ACSM1: variants seen among roughly 807,000 people sequenced by gnomAD.
The protein encoded by ACSM1 is acyl-CoA synthetase medium chain family member 1, also known as acyl-coenzyme A synthetase ACSM1, mitochondrial.
Under a neutral mutation model 75.8 loss-of-function variants are expected in ACSM1, and 79 were observed. The observed-to-expected ratio is 1.04, with a 90% CI of 0.87 to 1.26. The LOEUF (loss-of-function observed/expected upper bound fraction) is 1.26, where lower values mean the gene tolerates loss of function less well. Ranked by LOEUF, ACSM1 falls within the 50% of genes most tolerant of loss-of-function variation. ACSM1 has a pLI of 0.00. For missense variants in ACSM1, 676 were observed against 720.1 expected (o/e 0.94, Z 0.70); for synonymous variants, 279 against 265.8 (o/e 1.05, Z -0.48).
intron 7 of ACSM1, among the ~76,000 whole-genome samples, chr16:20,643,293 A>C (rs1425839193): frequency 6.6e-6 from 1 of 152,220 alleles, no homozygotes; most frequent in Non-Finnish European, 1.5e-5. Context: ...CTAAGGAAAA[A>C]TAGGAAGGAA....
chr16:20,623,535 C>T lies in ACSM1; in HGVS notation c.1685G>A (p.Gly562Asp), dbSNP rs1000783254. The T allele has an allele frequency of 6.2e-7, 1 of 1,614,130 alleles. No homozygotes were observed. Among genetic ancestry groups the T allele is most frequent in the Non-Finnish European group, 8.5e-7 (1 of 1,180,012 alleles). The change falls in exon 14 of 14, where the codon GGC (glycine) becomes GAC (aspartate). Residue 562 changes from glycine (G) to aspartate (D), a missense_variant. Transcript: ENST00000520010. Reference protein sequence around the residue: ...FVSELPKTITGKIERKELRKK... With the variant: ...FVSELPKTITDKIERKELRKK... Reference sequence around the variant, plus strand: ...CCGAAGTTCCTTCCGTTCAATCTTGCCAGTGATGGTTTTTGGCAGCTCTGA... The same window carrying T: ...CCGAAGTTCCTTCCGTTCAATCTTGTCAGTGATGGTTTTTGGCAGCTCTGA...
intron 4 of ACSM1, chr16:20,680,925 C>A (rs2079431967): frequency 6.6e-6 from 1 of 152,148 alleles, no homozygotes; most frequent in Admixed American, 6.5e-5. Flanking sequence ...TCTAATTCCT[C>A]TAAAGCAAGG....
chr16:20,693,273 A>G (rs2079672655), intron 1 of ACSM1, among the ~76,000 whole-genome samples: 2 of 152,156 alleles, frequency 1.3e-5, no homozygotes, highest in Non-Finnish European at 2.9e-5. Context: ...AGTAGCATTC[A>G]GGACAGCTGA....
intron 9 of ACSM1, 93 bp downstream of exon 9, chr16:20,637,278 C>T: frequency 1.0e-6 from 1 of 967,998 alleles, no homozygotes. Context: ...ATGACTGGAG[C>T]AGGGAAGTGC....
At chr16:20,676,574 G>C (rs2020291318) in intron 4 of ACSM1, among the ~76,000 whole-genome samples, 1 of 152,140 alleles carries the variant, frequency 6.6e-6, no homozygotes, top group African/African-American at 2.4e-5. Context: ...TATTAAAGTG[G>C]TTACAAGGTG....
chr16:20,671,465 A>C (rs1187599262), intron 5 of ACSM1, 66 bp downstream of exon 5: 2 of 1,510,482 alleles, frequency 1.3e-6, no homozygotes, highest in Non-Finnish European at 1.8e-6. Context: ...ACACACACAC[A>C]CACACACACA....
chr16:20,689,903 C>T (rs2079622012), intron 2 of ACSM1, among the ~76,000 whole-genome samples: 2 of 152,170 alleles, frequency 1.3e-5, no homozygotes, highest in African/African-American at 4.8e-5. Flanking sequence ...CCCTGCTCTC[C>T]CACTTATTAG....
At chr16:20,664,337 A>G (rs1225346032) in intron 6 of ACSM1, among the ~76,000 whole-genome samples, 1 of 152,120 alleles carries the variant, frequency 6.6e-6, no homozygotes, top group African/African-American at 2.4e-5. Flanking sequence ...GAAAAACAGA[A>G]AAGAGCAGGA....
At chr16:20,656,980 C>A (rs1174134228) in intron 7 of ACSM1, among the ~76,000 whole-genome samples, 2 of 151,666 alleles carry the variant, frequency 1.3e-5, no homozygotes, top group African/African-American at 4.8e-5. Context: ...TGCATACATC[C>A]CAACCACAAA....
rs368585108 is a variant in ACSM1 at position 20,692,585 on chromosome 16, C to G, written c.-51-1346G>C. On this transcript the variant is annotated intron_variant, in intron 1 of 13. Transcript: ENST00000520010. ...CTTAGACCTAAAAGGGTATGTGGCT[C>G]TTAGTTGATTGTCTCCTGGATCTGG... 9.1e-4 allele frequency among the ~76,000 whole-genome samples: 138 copies of G among 152,162 alleles called. 4 individuals are homozygous for G. In the South Asian group the frequency reaches 0.028, roughly 31 times the overall value.
At position 20,671,631 on chromosome 16, in the gene ACSM1, A is replaced by C; in HGVS notation, c.652T>G (p.Leu218Val). Residue 218 changes from leucine to valine, a missense_variant, in exon 5 of 14, where the codon TTG (leucine) becomes GTG (valine). Leu to Val is a conservative substitution (Grantham distance 32, BLOSUM62 1). Transcript: ENST00000520010. ...GTGAAGAAGATGACCATTGGGTCCA[A>C]GGTCTTTGACTTAACACAGGTGTGT... Reference protein sequence around the residue: ...PEHTCVKSKTLDPMVIFFTSG... With the variant: ...PEHTCVKSKTVDPMVIFFTSG... 6.2e-7 allele frequency: 1 copy of C among 1,613,032 alleles called. No homozygotes were observed. The highest frequency in any genetic ancestry group is 8.5e-7 in the Non-Finnish European group (1 of 1,179,462).
intron 7 of ACSM1, among the ~76,000 whole-genome samples, chr16:20,646,294 A>G (rs1323280394): frequency 2.0e-5 from 3 of 152,214 alleles, no homozygotes; most frequent in Non-Finnish European, 2.9e-5. Context: ...CCCCTTGTCC[A>G]TGCCCCTTAT....
chr16:20,650,864 G>T (rs964305790), intron 7 of ACSM1, among the ~76,000 whole-genome samples: 1 of 152,012 alleles, frequency 6.6e-6, no homozygotes, highest in Admixed American at 6.5e-5. Context: ...AGACTATAGA[G>T]TACATAGCTT....
In ACSM1 at chr16:20,682,415, A is replaced by AG; in HGVS notation, c.451dup (p.Leu151ProfsTer8). On this transcript the variant is annotated frameshift_variant, in exon 4 of 14. Transcript: ENST00000520010. LOFTEE classifies it high-confidence loss of function. ...GGCTTTAGACAACTGTAGTCGATAG[A>AG]GAATGTCTTTGGCCTTCAACAGGAT... 1 of 1,613,944 alleles carries AG rather than the reference A, an allele frequency of 6.2e-7. No homozygotes were observed. The highest frequency in any genetic ancestry group is 8.5e-7 in the Non-Finnish European group (1 of 1,179,898).
intron 2 of ACSM1, 63 bp downstream of exon 2, chr16:20,690,934 G>A: frequency 6.6e-7 from 1 of 1,518,662 alleles, no homozygotes; most frequent in Non-Finnish European, 8.9e-7. Flanking sequence ...AGCCTAGTAG[G>A]AGCAAGATAA....
At chr16:20,625,355 G>T in intron 12 of ACSM1, 68 bp downstream of exon 12, 1 of 1,489,258 alleles carries the variant, frequency 6.7e-7, no homozygotes, top group Non-Finnish European at 9.3e-7. Context: ...GTAAAGCCTG[G>T]ATGTTTCCCC....
At chr16:20,634,889 A>C (rs2017568211) in intron 10 of ACSM1, among the ~76,000 whole-genome samples, 1 of 152,192 alleles carries the variant, frequency 6.6e-6, no homozygotes, top group Non-Finnish European at 1.5e-5. Flanking sequence ...AAAATAAAGT[A>C]TCTGTTCAAG....
At chr16:20,669,482 A>C (rs866166474) in intron 6 of ACSM1, among the ~76,000 whole-genome samples, 54 of 142,394 alleles carry the variant, frequency 3.8e-4, no homozygotes, top group Non-Finnish European at 5.8e-4. Flanking sequence ...ACACACACAC[A>C]CCCCAGCTGC....
intron 3 of ACSM1, among the ~76,000 whole-genome samples, chr16:20,683,071 T>A (rs2079478484): frequency 6.6e-6 from 1 of 152,084 alleles, no homozygotes; most frequent in Non-Finnish European, 1.5e-5. Context: ...TTTGCTTAGT[T>A]CCATAAACAT....
Sources: allele counts gnomAD v4.1 joint callset (sites outside exome capture counted in the v4.1 genomes callset), GRCh38; gene constraint gnomAD v4.1.1; transcripts MANE v1.5; gene names NCBI Gene and HGNC (gene_info 2026-07-23, HGNC 2026-07-21).